TRIM43: variants seen among roughly 807,000 people sequenced by gnomAD.
TRIM43 encodes tripartite motif-containing protein 43.
Under a neutral mutation model 27.7 loss-of-function variants are expected in TRIM43, and 12 were observed. That is an observed-to-expected ratio of 0.43 (90% CI 0.28 to 0.70). The LOEUF (loss-of-function observed/expected upper bound fraction) is 0.70. Ranked by LOEUF, TRIM43 falls within the 30% of genes least tolerant of loss-of-function variation. The pLI is 0.17. For missense variants in TRIM43, 186 were observed against 356.5 expected (o/e 0.52, Z 3.85); for synonymous variants, 64 against 121.9 (o/e 0.52, Z 3.13).
In TRIM43 at chr2:95,592,238, G is replaced by T. The variant is rs1469020805; in HGVS notation, c.-5+89G>T. Reference sequence around the variant, plus strand: ...GGACTTTAATTTATCTGCAAACTTAGATTATTTTTAGATGAAATGATCTCA... The same window carrying T: ...GGACTTTAATTTATCTGCAAACTTATATTATTTTTAGATGAAATGATCTCA... On this transcript the variant is annotated intron_variant, in intron 1 of 6. Transcript: ENST00000272395. The T allele has an allele frequency of 1.3e-5, 2 of 151,704 alleles. 1 individual carries two copies. Among genetic ancestry groups the T allele is most frequent in the African/African-American group, 4.8e-5 (2 of 41,252 alleles). 9.4% of individuals were successfully genotyped at this position (151,704 alleles called of 1,614,324 possible). A position where few individuals can be genotyped will look rare whatever the true frequency, so the allele number is the denominator to read the frequency against.
At chr2:95,593,906 C>G (rs1685304006) in intron 1 of TRIM43, 114 bp from the exon 2 acceptor site, 1 of 1,530,836 alleles carries the variant, frequency 6.5e-7, no homozygotes, top group African/African-American at 1.4e-5. Context: ...AGATTAAAGC[C>G]TATACTTCTT....
chr2:95,596,166 C>T, intron 3 of TRIM43, 36 bp from the exon 4 acceptor site: 1 of 1,603,380 alleles, frequency 6.2e-7, no homozygotes, highest in Non-Finnish European at 8.5e-7. Context: ...GGAAGTAGGC[C>T]TGGGTATATA....
At position 95,592,093 on chromosome 2, in the gene TRIM43, G is replaced by A. The variant is rs1685254444; in HGVS notation, c.-61G>A. On this transcript the variant is annotated 5_prime_UTR_variant, in exon 1 of 7. Coordinates refer to ENST00000272395, the MANE Select transcript of TRIM43 (RefSeq NM_138800.3). The stretch of plus-strand genomic sequence containing the variant: ...TGCACTGTGAGACTCTCATCCCTGA[G>A]CTGAATTCATCTGATTCGACGGCAA... 1 of 151,666 alleles carries A rather than the reference G, an allele frequency of 6.6e-6. No individual in the cohort carries two copies. Among genetic ancestry groups the A allele is most frequent in the African/African-American group, 2.4e-5 (1 of 41,238 alleles). The allele number at this position is 151,666 out of a possible 1,614,324, so 9.4% of individuals were successfully genotyped here.
chr2:95,593,532 G>T (rs924668956), intron 1 of TRIM43, among the ~76,000 whole-genome samples: 2 of 151,762 alleles, frequency 1.3e-5, no homozygotes, highest in Non-Finnish European at 2.9e-5. Flanking sequence ...TATGAGTTCT[G>T]CTCTAACATT....
At chr2:95,592,881 T>G (rs963754539) in intron 1 of TRIM43, among the ~76,000 whole-genome samples, 1 of 151,264 alleles carries the variant, frequency 6.6e-6, no homozygotes, top group Non-Finnish European at 1.5e-5. Context: ...ACTTACTGTC[T>G]AGTGCCTAGT....
chr2:95,596,054 A>G, intron 3 of TRIM43, 148 bp from the exon 4 acceptor site: 1 of 643,232 alleles, frequency 1.6e-6, no homozygotes, highest in Non-Finnish European at 2.7e-6. Context: ...GATGAATTAC[A>G]TAAATTTTGA....
chr2:95,594,511 T>C lies in TRIM43; in HGVS notation c.411+77T>C, dbSNP rs71427046. On this transcript the variant is annotated intron_variant, in intron 2 of 6. Coordinates refer to ENST00000272395, the MANE Select transcript of TRIM43 (RefSeq NM_138800.3). Reference sequence around the variant, plus strand: ...GATATTAGAAGGATGATGAGAATCATGGTGATTACTCCATTCTTTACTGAG... The same window carrying C: ...GATATTAGAAGGATGATGAGAATCACGGTGATTACTCCATTCTTTACTGAG... 766 of 1,564,776 alleles carry C rather than the reference T, an allele frequency of 4.9e-4. 12 individuals carry two copies. The highest frequency in any genetic ancestry group is 1.6e-3 in the African/African-American group (116 of 73,210).
At chr2:95,595,405 A>G (rs1270810345) in intron 3 of TRIM43, among the ~76,000 whole-genome samples, 1 of 151,744 alleles carries the variant, frequency 6.6e-6, no homozygotes, top group African/African-American at 2.4e-5. Flanking sequence ...AGTTTTCTGT[A>G]TAAAATTAAT....
chr2:95,594,742 G>A lies in TRIM43; in HGVS notation c.411+308G>A, dbSNP rs532732895. Among the ~76,000 whole-genome samples, 145 of 150,752 alleles carry A rather than the reference G, an allele frequency of 9.6e-4. 1 individual carries two copies. The highest frequency in any genetic ancestry group is 3.3e-3 in the African/African-American group (136 of 40,966). On this transcript the variant is annotated intron_variant, in intron 2 of 6. Transcript: ENST00000272395. ...TTTTGGAAATATATTTAATATTACT[G>A]GACAAATGAGTATGGGAGTAGCACA...
In TRIM43 at chr2:95,594,050, C is replaced by T. The variant is rs376363508; in HGVS notation, c.27C>T (p.Phe9=). 9.3e-6 allele frequency: 15 copies of T among 1,612,872 alleles called. No homozygotes were observed. In the African/African-American group the frequency reaches 1.5e-4, roughly 16 times the overall value. The change falls in exon 2 of 7, where the codon TTC becomes TTT. Residue 9 remains phenylalanine (F), a synonymous_variant. Transcript: ENST00000272395. MDSDFSHA[F]QKELTCVICL... is the part of the protein sequence containing the mutation. Reference sequence around the variant, plus strand: ...TGGACTCAGACTTCTCACATGCCTTCCAGAAGGAACTCACCTGCGTCATCT... The same window carrying T: ...TGGACTCAGACTTCTCACATGCCTTTCAGAAGGAACTCACCTGCGTCATCT...
In TRIM43 at chr2:95,594,393, C is replaced by A. The variant is rs1685317247; in HGVS notation, c.370C>A (p.His124Asn). The change falls in exon 2 of 7, where the codon CAC becomes AAC. Residue 124 changes from histidine to asparagine, a missense_variant. Transcript: ENST00000272395. ...CTCCAACTCTCAGGAGCACGGGGCT[C>A]ACAAACACCATCCCATCGAAGAGGC... ...LCSNSQEHGAHKHHPIEEAAE... is the reference protein window; with the variant it reads ...LCSNSQEHGANKHHPIEEAAE... 1 of 1,610,840 alleles carries A rather than the reference C, an allele frequency of 6.2e-7. No homozygotes were observed. Among genetic ancestry groups the A allele is most frequent in the East Asian group, 2.2e-5 (1 of 44,862 alleles).
chr2:95,592,237 A>C (rs1275115912), intron 1 of TRIM43, 88 bp downstream of exon 1: 10 of 151,916 alleles, frequency 6.6e-5, no homozygotes, highest in Non-Finnish European at 1.5e-4. Flanking sequence ...CTGCAAACTT[A>C]GATTATTTTT....
chr2:95,593,549 C>G (rs1685295826), intron 1 of TRIM43, among the ~76,000 whole-genome samples: 1 of 151,782 alleles, frequency 6.6e-6, no homozygotes, highest in Non-Finnish European at 1.5e-5. Flanking sequence ...CATTTTCAAG[C>G]AATGTCCTTC....
At chr2:95,593,357 A>C (rs1685291012) in intron 1 of TRIM43, among the ~76,000 whole-genome samples, 1 of 151,708 alleles carries the variant, frequency 6.6e-6, no homozygotes, top group South Asian at 2.1e-4. Context: ...AAATTAACAG[A>C]CTGTCCAGGA....
chr2:95,596,161 T>G, intron 3 of TRIM43, 41 bp from the exon 4 acceptor site: 1 of 1,601,324 alleles, frequency 6.2e-7, no homozygotes, highest in Non-Finnish European at 8.5e-7. Context: ...GAGGTGGAAG[T>G]AGGCCTGGGT....
At chr2:95,592,856 A>G (rs556048125) in intron 1 of TRIM43, among the ~76,000 whole-genome samples, 1 of 150,092 alleles carries the variant, frequency 6.7e-6, no homozygotes, top group South Asian at 2.1e-4. Flanking sequence ...AGCAAAACAT[A>G]CATTTAAAAC....
At chr2:95,594,945 C>G in intron 2 of TRIM43, 105 bp from the exon 3 acceptor site, 1 of 1,234,274 alleles carries the variant, frequency 8.1e-7, no homozygotes, top group East Asian at 2.6e-5. Flanking sequence ...TTTTTCTCCT[C>G]TCACTAATGT....
At chr2:95,592,359 CTATT>C (rs1205426619) in intron 1 of TRIM43, among the ~76,000 whole-genome samples, 2 of 151,528 alleles carry the variant, frequency 1.3e-5, no homozygotes, top group Non-Finnish European at 2.9e-5. Flanking sequence ...CCATGTTCAG[CTATT>C]TATTTATTTG....
At position 95,596,572 on chromosome 2, in the gene TRIM43, C is replaced by G. The variant is rs1485088905; in HGVS notation, c.738+140C>G. On this transcript the variant is annotated intron_variant, in intron 4 of 6. Transcript: ENST00000272395. ...CATTCCCACCGGTTATAGAGATAAA[C>G]TATAACTCCTACGCTAATCATGGAA... 10 of 1,150,012 alleles carry G rather than the reference C, an allele frequency of 8.7e-6. 1 individual carries two copies. The highest frequency in any genetic ancestry group is 1.1e-5 in the Non-Finnish European group (9 of 830,266). 71.2% of individuals were successfully genotyped at this position (1,150,012 alleles called of 1,614,324 possible).
Sources: gnomAD v4.1 joint callset for allele counts (sites outside exome capture counted in the v4.1 genomes callset) on GRCh38, gnomAD v4.1.1 for gene constraint, MANE v1.5 for transcripts, NCBI Gene and HGNC (gene_info 2026-07-23, HGNC 2026-07-21) for gene names.